Variants in SEC22C observed in about 807,000 individuals in gnomAD.
The protein encoded by SEC22C is vesicle-trafficking protein SEC22c.
SEC22C carries 29 observed loss-of-function variants against 34.7 expected under a neutral mutation model. The observed-to-expected ratio is 0.84, with a 90% confidence interval of 0.62 to 1.14. The LOEUF (loss-of-function observed/expected upper bound fraction) is 1.14, where lower values mean the gene tolerates loss of function less well. Among genes scored for constraint, SEC22C ranks in the 50% most tolerant of loss-of-function variants. The pLI, the probability that SEC22C is intolerant of heterozygous loss-of-function variation, is 0.00. For synonymous variants in SEC22C, 117 were observed against 132.8 expected (o/e 0.88, Z 0.82); for missense variants, 337 against 369.0 (o/e 0.91, Z 0.71).
intron 2 of SEC22C, among the ~76,000 whole-genome samples, chr3:42,568,222 AATCT>A (rs1002226545): frequency 2.0e-5 from 3 of 151,970 alleles, no homozygotes; most frequent in Admixed American, 6.6e-5. Flanking sequence ...CCCACATTAT[AATCT>A]AGTATCTCCT....
chr3:42,549,530 G>T lies in SEC22C; in HGVS notation c.*3718C>A. 1 of 984,108 alleles carries T rather than the reference G, an allele frequency of 1.0e-6. No homozygotes were observed. The highest frequency in any genetic ancestry group is 1.1e-4 in the East Asian group (1 of 8,706). 61.0% of individuals were successfully genotyped at this position (984,108 alleles called of 1,614,324 possible). A position where few individuals can be genotyped will look rare whatever the true frequency, so the allele number is the denominator to read the frequency against. On this transcript the variant is annotated 3_prime_UTR_variant, in exon 7 of 7. Coordinates refer to ENST00000264454, the MANE Select transcript of SEC22C (RefSeq NM_032970.4). ...CAGCCTTGCTGGCCTGCTGGCTATT[G>T]TCTCTGACTCTGAGCTGTGCTGACC...
chr3:42,550,569 T>C lies in SEC22C; in HGVS notation c.*2679A>G, dbSNP rs1228373069. 1.2e-5 allele frequency: 12 copies of C among 985,346 alleles called. No homozygotes were observed. Among genetic ancestry groups the C allele is most frequent in the Non-Finnish European group, 1.4e-5 (12 of 829,934 alleles). The allele number at this position is 985,346 out of a possible 1,614,324, so 61.0% of individuals were successfully genotyped here. ...CAGTCAAACAATGTTTTTGTGGTCA[T>C]TACTTGTACTGTTTTTCTAGTGCAT... On this transcript the variant is annotated 3_prime_UTR_variant, in exon 7 of 7. Transcript: ENST00000264454.
In SEC22C at chr3:42,551,974, T is replaced by G; in HGVS notation, c.*1274A>C. On this transcript the variant is annotated 3_prime_UTR_variant, in exon 7 of 7. Coordinates refer to ENST00000264454, the MANE Select transcript of SEC22C (RefSeq NM_032970.4). ...TGCAACTGTGGTTGAACTATTCAGA[T>G]TCCAGACTTCTACCAAGAACAATCC... 1.0e-6 allele frequency: 1 copy of G among 985,340 alleles called. No homozygotes were observed. Among genetic ancestry groups the G allele is most frequent in the Non-Finnish European group, 1.2e-6 (1 of 829,858 alleles). The allele number at this position is 985,340 out of a possible 1,614,324, so 61.0% of individuals were successfully genotyped here.
intron 4 of SEC22C, among the ~76,000 whole-genome samples, chr3:42,557,983 G>A (rs1702634884): frequency 6.6e-6 from 1 of 152,152 alleles, no homozygotes; most frequent in African/African-American, 2.4e-5. Context: ...TAAAGCAGTG[G>A]TTCTCAACCA....
rs929169100 is a variant in SEC22C, at chr3:42,549,675, T to C, written c.*3573A>G. The C allele has an allele frequency of 9.1e-6, 9 of 985,368 alleles. No homozygotes were observed. In the African/African-American group the frequency reaches 1.4e-4, roughly 15 times the overall value. 61.0% of individuals were successfully genotyped at this position (985,368 alleles called of 1,614,324 possible). A position where few individuals can be genotyped will look rare whatever the true frequency, so the allele number is the denominator to read the frequency against. On this transcript the variant is annotated 3_prime_UTR_variant, in exon 7 of 7. Transcript: ENST00000264454. ...CCACCCCATTTGTTACAATTAAAGA[T>C]GGTTTTCTCATCCCTCCAGAGACTC...
At chr3:42,553,908 C>T (rs1231453109) in intron 6 of SEC22C, among the ~76,000 whole-genome samples, 1 of 152,120 alleles carries the variant, frequency 6.6e-6, no homozygotes, top group Non-Finnish European at 1.5e-5. Context: ...TCCTGAGCCA[C>T]GACTACATTG....
At chr3:42,597,815 G>A (rs541018966) in intron 1 of SEC22C, among the ~76,000 whole-genome samples, 11 of 152,238 alleles carry the variant, frequency 7.2e-5, no homozygotes, top group African/African-American at 2.4e-4. Flanking sequence ...CCAAAAGATT[G>A]GACACCCAAT....
chr3:42,585,136 C>CAAACA (rs1269032058), upstream of SEC22C, among the ~76,000 whole-genome samples: 12 of 151,988 alleles, frequency 7.9e-5, 1 homozygote, highest in African/African-American at 1.4e-4. Context: ...TCTCAAAAAA[C>CAAACA]AAACAAAACA....
At chr3:42,585,835 C>T (rs972448007), upstream of SEC22C, among the ~76,000 whole-genome samples, 2 of 152,164 alleles carry the variant, frequency 1.3e-5, no homozygotes, top group South Asian at 2.1e-4. Context: ...ACTAGGTCCT[C>T]AACACCTTTC....
rs1383812810 is a variant in SEC22C at position 42,552,782 on chromosome 3, T to G, written c.*466A>C. On this transcript the variant is annotated 3_prime_UTR_variant, in exon 7 of 7. Transcript: ENST00000264454. Reference sequence around the variant, plus strand: ...ATTTATGAACCATATTTTTAGGTTTTTAATTCATCCTGTACTGACCCTCTG... The same window carrying G: ...ATTTATGAACCATATTTTTAGGTTTGTAATTCATCCTGTACTGACCCTCTG... 8 of 984,678 alleles carry G rather than the reference T, an allele frequency of 8.1e-6. No individual in the cohort carries two copies. Among genetic ancestry groups the G allele is most frequent in the Non-Finnish European group, 9.6e-6 (8 of 829,282 alleles). 61.0% of individuals were successfully genotyped at this position (984,678 alleles called of 1,614,324 possible). A position where few individuals can be genotyped will look rare whatever the true frequency, so the allele number is the denominator to read the frequency against.
At position 42,551,711 on chromosome 3, in the gene SEC22C, T is replaced by C. The variant is rs1702268908; in HGVS notation, c.*1537A>G. 1.0e-6 allele frequency: 1 copy of C among 963,018 alleles called. No homozygotes were observed. Among genetic ancestry groups the C allele is most frequent in the Non-Finnish European group, 1.2e-6 (1 of 809,660 alleles). 59.7% of individuals were successfully genotyped at this position (963,018 alleles called of 1,614,324 possible). A position where few individuals can be genotyped will look rare whatever the true frequency, so the allele number is the denominator to read the frequency against. The stretch of plus-strand genomic sequence containing the variant: ...AAAAATAAAGTTACTATGGCAACAT[T>C]TTCCCAACATAGTTCCCAGTATATA... On this transcript the variant is annotated 3_prime_UTR_variant, in exon 7 of 7. Transcript: ENST00000264454.
chr3:42,556,902 T>C (rs1194919604), intron 5 of SEC22C, among the ~76,000 whole-genome samples: 1 of 152,114 alleles, frequency 6.6e-6, no homozygotes, highest in Admixed American at 6.5e-5. Flanking sequence ...TTTGTATTTT[T>C]AGTAGAGATG....
intron 1 of SEC22C, among the ~76,000 whole-genome samples, chr3:42,595,392 T>C (rs1006673146): frequency 7.9e-5 from 12 of 152,252 alleles, no homozygotes; most frequent in African/African-American, 2.9e-4. Flanking sequence ...TGTGCCACTA[T>C]CATCCACTTT....
intron 1 of SEC22C, chr3:42,594,753 C>T: frequency 3.1e-6 from 1 of 325,826 alleles, no homozygotes; most frequent in South Asian, 5.5e-5. Context: ...CAGGTGTCCT[C>T]TTTCCTGAAC....
At chr3:42,570,498 C>T (rs1282305538) in intron 1 of SEC22C, among the ~76,000 whole-genome samples, 2 of 152,108 alleles carry the variant, frequency 1.3e-5, no homozygotes, top group Non-Finnish European at 2.9e-5. Context: ...TATAAAAACA[C>T]AAAGGAGGCA....
At chr3:42,569,471 G>T (rs1156571551) in intron 1 of SEC22C, among the ~76,000 whole-genome samples, 1 of 152,194 alleles carries the variant, frequency 6.6e-6, no homozygotes, top group African/African-American at 2.4e-5. Flanking sequence ...CACTGAAGCA[G>T]CGAGGATTGA....
Position 42,590,932 on chromosome 3 carries a change from G to C in SEC22C, c.-28+10028C>G, listed in dbSNP as rs1388391857. 1.2e-5 allele frequency: 17 copies of C among 1,448,756 alleles called. No individual in the cohort carries two copies. The highest frequency in any genetic ancestry group is 1.5e-5 in the African/African-American group (1 of 68,592). 89.7% of individuals were successfully genotyped at this position (1,448,756 alleles called of 1,614,324 possible). A position where few individuals can be genotyped will look rare whatever the true frequency, so the allele number is the denominator to read the frequency against. ...GCCTTCGTACCGGACTGGCTGAGGG[G>C]CAAGGCGGAAGTCAATCAAGAGACT... is the stretch of plus-strand genomic sequence containing the variant. On this transcript the variant is annotated intron_variant, in intron 1 of 6. Transcript: ENST00000417572.
chr3:42,550,739 G>A lies in SEC22C; in HGVS notation c.*2509C>T, dbSNP rs771282828. On this transcript the variant is annotated 3_prime_UTR_variant, in exon 7 of 7. Transcript: ENST00000264454. ...CAGGAAGGACTCATCTTCAAGGACCGTTTCTTTACTGCCTGCTGAATATGG... is the reference window on the plus strand; with the variant it reads ...CAGGAAGGACTCATCTTCAAGGACCATTTCTTTACTGCCTGCTGAATATGG... 554 of 985,094 alleles carry A rather than the reference G, an allele frequency of 5.6e-4. No individual in the cohort carries two copies. Among genetic ancestry groups the A allele is most frequent in the Non-Finnish European group, 6.4e-4 (532 of 829,916 alleles). The allele number at this position is 985,094 out of a possible 1,614,324, so 61.0% of individuals were successfully genotyped here.
At chr3:42,572,789 T>C (rs1703725237) in intron 1 of SEC22C, among the ~76,000 whole-genome samples, 1 of 152,168 alleles carries the variant, frequency 6.6e-6, no homozygotes, top group Non-Finnish European at 1.5e-5. Flanking sequence ...TCAGCTTCAA[T>C]GAGAAGAGAC....
Sources: allele counts gnomAD v4.1 joint callset (sites outside exome capture counted in the v4.1 genomes callset), GRCh38; gene constraint gnomAD v4.1.1; transcripts MANE v1.5; gene names NCBI Gene and HGNC (gene_info 2026-07-23, HGNC 2026-07-21).